The following SKIL variants were observed in gnomAD, a reference collection of about 807,000 sequenced individuals.
SKIL encodes ski-like protein.
Under a neutral mutation model 69.6 loss-of-function variants are expected in SKIL, and 20 were observed. The observed-to-expected ratio is 0.29, with a 90% CI of 0.20 to 0.42. The LOEUF is 0.42. Among genes scored for constraint, SKIL ranks in the 10% least tolerant of loss-of-function variants. SKIL has a pLI of 1.00. For synonymous variants in SKIL, 310 were observed against 279.9 expected (o/e 1.11, Z -1.08); for missense variants, 745 against 783.1 (o/e 0.95, Z 0.58).
intron 2 of SKIL, among the ~76,000 whole-genome samples, chr3:170,371,552 C>G (rs1012828643): frequency 2.6e-5 from 4 of 152,090 alleles, no homozygotes; most frequent in African/African-American, 4.8e-5. Context: ...TGGAATAATA[C>G]TTTTGGACCA....
rs1738061378 is a variant in SKIL at position 170,394,057 on chromosome 3, G to GT, written c.*1642dup. 2.0e-5 allele frequency: 3 copies of GT among 148,794 alleles called. No homozygotes were observed. Among genetic ancestry groups the GT allele is most frequent in the South Asian group, 2.1e-4 (1 of 4,756 alleles). 9.2% of individuals were successfully genotyped at this position (148,794 alleles called of 1,614,324 possible). On this transcript the variant is annotated 3_prime_UTR_variant, in exon 7 of 7. Coordinates refer to ENST00000259119, the MANE Select transcript of SKIL (RefSeq NM_005414.5). ...TGCTATATTAAGACTAATTTAATTC[G>GT]TTGAGTCTTGGAATCTTCTCAAGGA...
In SKIL at chr3:170,370,439, G is replaced by GCCC. The variant is rs34185518; in HGVS notation, c.1098+9024_1098+9026dup. On this transcript the variant is annotated intron_variant, in intron 2 of 6. Coordinates refer to ENST00000259119, the MANE Select transcript of SKIL (RefSeq NM_005414.5). ...ATATATACAGAGAGAGAGAGAGAGAGCCCCCCCCCCCCCCCCGAGCAGGAG... is the reference window on the plus strand; with the variant it reads ...ATATATACAGAGAGAGAGAGAGAGAGCCCCCCCCCCCCCCCCCCCGAGCAGGAG... 2.7e-3 allele frequency among the ~76,000 whole-genome samples: 30 copies of GCCC among 11,198 alleles called. 1 individual carries two copies. The highest frequency in any genetic ancestry group is 0.013 in the South Asian group (2 of 160). 7.3% of individuals were successfully genotyped at this position (11,198 alleles called of 152,430 possible).
In SKIL at chr3:170,380,041, A is replaced by G. The variant is rs527878142; in HGVS notation, c.1099-1203A>G. 5.3e-5 allele frequency among the ~76,000 whole-genome samples: 8 copies of G among 152,310 alleles called. No individual in the cohort carries two copies. The Middle Eastern group carries it at 0.014, about 259-fold the overall frequency. On this transcript the variant is annotated intron_variant, in intron 2 of 6. Coordinates refer to ENST00000259119, the MANE Select transcript of SKIL (RefSeq NM_005414.5). ...TTTGTTAGAATTAAGAATGATGTATAAAGTTCTCAGCCCGTAGATGTTCAT... is the reference window on the plus strand; with the variant it reads ...TTTGTTAGAATTAAGAATGATGTATGAAGTTCTCAGCCCGTAGATGTTCAT...
intron 5 of SKIL, 85 bp from the exon 6 acceptor site, chr3:170,390,950 AT>A: frequency 1.5e-6 from 1 of 688,932 alleles, no homozygotes; most frequent in Non-Finnish European, 2.5e-6. Context: ...AATTTTAGGT[AT>A]TTTCTGTGCT....
At chr3:170,379,633 A>T (rs1399685376) in intron 2 of SKIL, among the ~76,000 whole-genome samples, 10 of 151,836 alleles carry the variant, frequency 6.6e-5, no homozygotes, top group African/African-American at 2.4e-4. Context: ...TTTTCTCTTC[A>T]ATTTCTTTTT....
At chr3:170,391,332 T>C in intron 6 of SKIL, 72 bp downstream of exon 6, 1 of 877,044 alleles carries the variant, frequency 1.1e-6, no homozygotes, top group Non-Finnish European at 1.8e-6. Flanking sequence ...CTCTTTTTTT[T>C]TTTTGAGACA....
Position 170,383,058 on chromosome 3 carries a change from T to C in SKIL, c.1197-1475T>C, listed in dbSNP as rs73038354. ...TTTTAAAAAGAAATTCTTTTGAAACTAAGAGCTTTCTTAATAACCGTACTT... is the reference window on the plus strand; with the variant it reads ...TTTTAAAAAGAAATTCTTTTGAAACCAAGAGCTTTCTTAATAACCGTACTT... On this transcript the variant is annotated intron_variant, in intron 3 of 6. Transcript: ENST00000259119. Among the ~76,000 whole-genome samples the C allele has an allele frequency of 4.6e-3, 704 of 152,268 alleles. 8 individuals are homozygous for C. The highest frequency in any genetic ancestry group is 0.016 in the African/African-American group (671 of 41,560).
intron 2 of SKIL, among the ~76,000 whole-genome samples, chr3:170,373,943 A>G (rs1577423538): frequency 6.6e-6 from 1 of 152,198 alleles, no homozygotes; most frequent in African/African-American, 2.4e-5. Flanking sequence ...GAATACTTGT[A>G]TGAATAATGC....
intron 2 of SKIL, among the ~76,000 whole-genome samples, chr3:170,363,066 G>A (rs762210765): frequency 2.6e-5 from 4 of 151,852 alleles, no homozygotes; most frequent in Non-Finnish European, 5.9e-5. Flanking sequence ...TTATTCTTGA[G>A]CAGTTTTACA....
At chr3:170,385,768 A>G (rs1447197951) in intron 4 of SKIL, among the ~76,000 whole-genome samples, 4 of 149,746 alleles carry the variant, frequency 2.7e-5, no homozygotes, top group Admixed American at 6.6e-5. Context: ...GAGAATTGAG[A>G]TTCTTGGGGG....
intron 2 of SKIL, among the ~76,000 whole-genome samples, chr3:170,364,121 CT>C (rs906072210): frequency 1.3e-5 from 2 of 151,664 alleles, no homozygotes; most frequent in Non-Finnish European, 2.9e-5. Context: ...CAGCTAATTT[CT>C]TTTGTATTTT....
intron 2 of SKIL, among the ~76,000 whole-genome samples, chr3:170,372,779 G>A (rs1225126565): frequency 6.6e-6 from 1 of 152,026 alleles, no homozygotes; most frequent in Non-Finnish European, 1.5e-5. Context: ...TGTTTAGTAA[G>A]GTTGCTAATG....
intron 2 of SKIL, among the ~76,000 whole-genome samples, chr3:170,363,927 T>G (rs535554021): frequency 6.6e-6 from 1 of 152,146 alleles, no homozygotes; most frequent in Non-Finnish European, 1.5e-5. Flanking sequence ...ATTTGTGATA[T>G]CTTGCCCCCA....
chr3:170,389,839 T>A (rs1431745821), intron 4 of SKIL, among the ~76,000 whole-genome samples: 1 of 152,250 alleles, frequency 6.6e-6, no homozygotes, highest in Non-Finnish European at 1.5e-5. Flanking sequence ...TTCAAGATTA[T>A]TTTGCCTATT....
chr3:170,381,289 A>G lies in SKIL; in HGVS notation c.1144A>G (p.Ile382Val), dbSNP rs970669033. 3.7e-6 allele frequency: 6 copies of G among 1,600,714 alleles called. No homozygotes were observed. In the African/African-American group the frequency reaches 6.7e-5, roughly 18 times the overall value. The stretch of plus-strand genomic sequence containing the variant: ...GGAATTACAGTCATGGTATCCTGTT[A>G]TAAAGCAGGAAGGTGACCATGTTTC... ...GMELQSWYPV[I>V]KQEGDHVSQT... The change falls in exon 3 of 7, where the codon ATA (isoleucine) becomes GTA (valine). Residue 382 changes from isoleucine (I) to valine (V), a missense_variant. Transcript: ENST00000259119.
chr3:170,378,147 T>TC (rs1485542962), intron 2 of SKIL, among the ~76,000 whole-genome samples: 1 of 152,178 alleles, frequency 6.6e-6, no homozygotes, highest in Non-Finnish European at 1.5e-5. Context: ...TGCCTTGGCC[T>TC]CCCAAAGTGC....
At chr3:170,363,746 A>G (rs1736354308) in intron 2 of SKIL, among the ~76,000 whole-genome samples, 1 of 152,150 alleles carries the variant, frequency 6.6e-6, no homozygotes, top group Admixed American at 6.6e-5. Flanking sequence ...TGGCTTCTCA[A>G]AGTGCTGGGA....
Position 170,361,037 on chromosome 3 carries a change from C to T in SKIL, c.706C>T (p.Pro236Ser). 6.2e-7 allele frequency: 1 copy of T among 1,614,194 alleles called. No individual in the cohort carries two copies. The highest frequency in any genetic ancestry group is 8.5e-7 in the Non-Finnish European group (1 of 1,180,030). ...AQRLCNALLR[P>S]RTFPQNGSVL... is the part of the protein sequence containing the mutation. The stretch of plus-strand genomic sequence containing the variant: ...AAGATTATGTAATGCTTTATTGCGG[C>T]CACGAACTTTTCCTCAAAATGGTAG... The change falls in exon 2 of 7, where the codon CCA becomes TCA. Residue 236 changes from proline to serine, a missense_variant. By Grantham distance (74) the Pro-to-Ser change is moderately conservative. Coordinates refer to ENST00000259119, the MANE Select transcript of SKIL (RefSeq NM_005414.5).
chr3:170,384,599 G>A lies in SKIL; in HGVS notation c.1263G>A (p.Gln421=), dbSNP rs917520984. 5 of 1,613,346 alleles carry A rather than the reference G, an allele frequency of 3.1e-6. No individual in the cohort carries two copies. Among genetic ancestry groups the A allele is most frequent in the Non-Finnish European group, 3.4e-6 (4 of 1,179,372 alleles). ...PNVSLTSAVS[Q]SKELTKTEAS... is the part of the protein sequence containing the mutation. ...TGTCACTTACTTCTGCTGTATCCCA[G>A]TCTAAAGAGCTCACAAAGACAGAGG... Residue 421 remains glutamine (Q), a synonymous_variant, in exon 4 of 7, where the codon CAG becomes CAA. Coordinates refer to ENST00000259119, the MANE Select transcript of SKIL (RefSeq NM_005414.5).
Sources: allele counts gnomAD v4.1 joint callset (sites outside exome capture counted in the v4.1 genomes callset), GRCh38; gene constraint gnomAD v4.1.1; transcripts MANE v1.5; gene names NCBI Gene and HGNC (gene_info 2026-07-23, HGNC 2026-07-21).